Variants in DNAH6 observed in about 807,000 individuals in gnomAD.
DNAH6 encodes dynein axonemal heavy chain 6, also known as axonemal beta dynein heavy chain 6.
A neutral mutation model predicts 491.4 loss-of-function variants in DNAH6; 340 were observed. That is an observed-to-expected ratio of 0.69 (90% confidence interval 0.63 to 0.76). The LOEUF (loss-of-function observed/expected upper bound fraction) is 0.76. DNAH6 is among the 30% of genes least tolerant of loss of function. The pLI is 0.00. For missense variants in DNAH6, 4,443 were observed against 4,972.2 expected, an observed-to-expected ratio of 0.89 and a Z score of 3.20; for synonymous variants, 1,603 against 1,686.1, an observed-to-expected ratio of 0.95 and a Z score of 1.21.
chr2:84,658,574 T>G, intron 36 of DNAH6, 100 bp downstream of exon 36: 3 of 891,306 alleles, frequency 3.4e-6, no homozygotes, highest in Non-Finnish European at 4.8e-6. Flanking sequence ...AACCATTTGA[T>G]TTTTAAGTTA....
At chr2:84,472,037 G>A in the DNAH6 span, among the ~76,000 whole-genome samples, 1 of 152,112 alleles carries the variant, frequency 6.6e-6, no homozygotes, top group Non-Finnish European at 1.5e-5. Flanking sequence ...CTCTTAGTAT[G>A]TGCATCCCTC....
intron 4 of DNAH6, among the ~76,000 whole-genome samples, chr2:84,535,683 C>CAAA (rs72518363): frequency 2.6e-4 from 26 of 101,484 alleles, no homozygotes; most frequent in South Asian, 1.2e-3. Context: ...ACCAGAAAAG[C>CAAA]AAAAAAAAAA....
chr2:84,715,927 T>C (rs1414828573), intron 58 of DNAH6, among the ~76,000 whole-genome samples: 1 of 152,052 alleles, frequency 6.6e-6, no homozygotes, highest in Non-Finnish European at 1.5e-5. Flanking sequence ...ATGATTTCCA[T>C]CCTGAGCAAG....
the DNAH6 span, among the ~76,000 whole-genome samples, chr2:84,510,417 C>T: frequency 2.0e-5 from 3 of 152,212 alleles, no homozygotes; most frequent in Non-Finnish European, 4.4e-5. Context: ...CCTTGGTTTT[C>T]AGCTCCATCA....
intron 11 of DNAH6, among the ~76,000 whole-genome samples, chr2:84,558,304 T>C (rs1680270341): frequency 6.6e-6 from 1 of 151,674 alleles, no homozygotes; most frequent in Admixed American, 6.6e-5. Context: ...GGCGGGTGCC[T>C]GTAGTCCCAA....
intron 33 of DNAH6, among the ~76,000 whole-genome samples, chr2:84,650,332 T>C (rs1558853337): frequency 6.6e-6 from 1 of 152,188 alleles, no homozygotes; most frequent in Non-Finnish European, 1.5e-5. Flanking sequence ...TCTCATTTCT[T>C]TTTTCAGACA....
chr2:84,693,761 A>C (rs187934125), intron 45 of DNAH6, among the ~76,000 whole-genome samples: 1 of 152,170 alleles, frequency 6.6e-6, no homozygotes, highest in Non-Finnish European at 1.5e-5. Flanking sequence ...ATTCCTGTTA[A>C]CATGAATCAG....
chr2:84,743,926 A>G (rs925907351), intron 62 of DNAH6, among the ~76,000 whole-genome samples: 5 of 152,182 alleles, frequency 3.3e-5, no homozygotes, highest in African/African-American at 9.6e-5. Flanking sequence ...TTACACAATA[A>G]ATAATGAGAA....
the DNAH6 span, among the ~76,000 whole-genome samples, chr2:84,510,724 G>A: frequency 6.6e-6 from 1 of 152,110 alleles, no homozygotes; most frequent in Non-Finnish European, 1.5e-5. Context: ...TTTGGTCTTT[G>A]ATGATGGTGA....
intron 65 of DNAH6, among the ~76,000 whole-genome samples, chr2:84,782,037 T>C (rs34230258): frequency 0.027 from 4,103 of 152,300 alleles, 79 homozygotes; most frequent in South Asian, 0.06. Context: ...CCAATTCCCT[T>C]AGAGTAGTGT....
At chr2:84,708,535 AAGAAG>A (rs1696720592) in intron 54 of DNAH6, among the ~76,000 whole-genome samples, 1 of 148,672 alleles carries the variant, frequency 6.7e-6, no homozygotes, top group South Asian at 2.2e-4. Flanking sequence ...AAGAAAAAGA[AAGAAG>A]GAAGGAAGGA....
chr2:84,695,816 A>C (rs890876926), intron 46 of DNAH6, among the ~76,000 whole-genome samples: 1 of 152,064 alleles, frequency 6.6e-6, no homozygotes, highest in Non-Finnish European at 1.5e-5. Flanking sequence ...CATTGCTTTT[A>C]AAAATCAAAC....
chr2:84,787,198 T>C lies in DNAH6; in HGVS notation c.11135T>C (p.Ile3712Thr). 6.5e-7 allele frequency: 1 copy of C among 1,538,690 alleles called. No individual in the cohort carries two copies. Among genetic ancestry groups the C allele is most frequent in the Non-Finnish European group, 8.8e-7 (1 of 1,139,670 alleles). Residue 3712 changes from isoleucine (I) to threonine (T), a missense_variant, in exon 68 of 77, where the codon ATC (isoleucine) becomes ACC (threonine). Physicochemically the swap from Ile to Thr is moderately conservative, Grantham distance 89. Coordinates refer to ENST00000389394, the MANE Select transcript of DNAH6 (RefSeq NM_001370.2). Reference sequence around the variant, plus strand: ...AAGTTTGGCCCCCTTGGTTGGAATATCTGCTATGAATTTAATGACAGTGAC... The same window carrying C: ...AAGTTTGGCCCCCTTGGTTGGAATACCTGCTATGAATTTAATGACAGTGAC... ...RKKFGPLGWN[I>T]CYEFNDSDRE...
intron 72 of DNAH6, among the ~76,000 whole-genome samples, chr2:84,810,880 C>T (rs972820449): frequency 4.6e-5 from 7 of 152,198 alleles, no homozygotes; most frequent in East Asian, 1.9e-4. Context: ...TTGGGAGAAT[C>T]GACTGCAACA....
At chr2:84,471,903 A>T in the DNAH6 span, among the ~76,000 whole-genome samples, 1 of 152,192 alleles carries the variant, frequency 6.6e-6, no homozygotes, top group Non-Finnish European at 1.5e-5. Context: ...AGGTGGGTCC[A>T]CTAGATGCTG....
the DNAH6 span, among the ~76,000 whole-genome samples, chr2:84,495,421 C>A: frequency 6.6e-6 from 1 of 152,258 alleles, no homozygotes; most frequent in East Asian, 1.9e-4. Context: ...CTTTGGCCTC[C>A]CAAAGTGCTG....
At chr2:84,548,211 CT>C (rs1203285997) in intron 7 of DNAH6, 76 bp from the exon 8 acceptor site, 36 of 1,425,916 alleles carry the variant, frequency 2.5e-5, no homozygotes, top group Middle Eastern at 1.8e-4. Context: ...TTTTGTTTAT[CT>C]TTTCTTTGAA....
At chr2:84,492,521 T>C in the DNAH6 span, among the ~76,000 whole-genome samples, 1 of 152,256 alleles carries the variant, frequency 6.6e-6, no homozygotes, top group Admixed American at 6.5e-5. Context: ...TCCACCTTTA[T>C]TTTTTGTTAA....
intron 70 of DNAH6, among the ~76,000 whole-genome samples, chr2:84,799,017 T>C (rs1678623468): frequency 6.7e-6 from 1 of 148,788 alleles, no homozygotes; most frequent in Non-Finnish European, 1.5e-5. Flanking sequence ...AGACGGAGTC[T>C]CGCTCTGTCA....
Sources: allele counts gnomAD v4.1 joint callset (sites outside exome capture counted in the v4.1 genomes callset), GRCh38; gene constraint gnomAD v4.1.1; transcripts MANE v1.5; gene names NCBI Gene and HGNC (gene_info 2026-07-23, HGNC 2026-07-21).